PCDH15: variants seen among roughly 807,000 people sequenced by gnomAD.
PCDH15 encodes the protein protocadherin-15.
In PCDH15, 129 loss-of-function variants were observed where a neutral mutation model predicts 178.5. The ratio of observed to expected loss-of-function variants is 0.72; its 90% CI spans 0.63 to 0.84. The LOEUF (loss-of-function observed/expected upper bound fraction) is 0.84, where lower values mean the gene tolerates loss of function less well. PCDH15 is among the 40% of genes least tolerant of loss of function. The pLI, the probability that PCDH15 is intolerant of heterozygous loss-of-function variation, is 0.00. For synonymous variants in PCDH15, 800 were observed against 732.0 expected, an observed-to-expected ratio of 1.09 and a Z score of -1.50; for missense variants, 2,230 against 2,099.9, an observed-to-expected ratio of 1.06 and a Z score of -1.21.
chr10:53,881,395 A>G (rs1453653412), intron 26 of PCDH15, among the ~76,000 whole-genome samples: 1 of 152,172 alleles, frequency 6.6e-6, no homozygotes, highest in Non-Finnish European at 1.5e-5. Context: ...GGAATTTACC[A>G]CTACACAATA....
intron 28 of PCDH15, among the ~76,000 whole-genome samples, chr10:53,852,896 G>A (rs540919966): frequency 9.9e-5 from 15 of 152,054 alleles, no homozygotes; most frequent in South Asian, 6.2e-4. Context: ...TACTGGTCTC[G>A]TCACTAGAAC....
intron 1 of PCDH15, among the ~76,000 whole-genome samples, chr10:55,207,032 C>T (rs973989223): frequency 9.2e-5 from 14 of 151,938 alleles, no homozygotes; most frequent in Admixed American, 2.6e-4. Context: ...TATCAGAATA[C>T]GCATAATATT....
Position 53,822,600 on chromosome 10 carries a change from T to G in PCDH15, c.4368-2370A>C, listed in dbSNP as rs949431572. Reference sequence around the variant, plus strand: ...TGTCTCTCTCCTAGAGAGTGAAGAATGTAAAACACAAGGCCTTGAAGGAGA... The same window carrying G: ...TGTCTCTCTCCTAGAGAGTGAAGAAGGTAAAACACAAGGCCTTGAAGGAGA... On this transcript the variant is annotated intron_variant, in intron 32 of 37. Transcript: ENST00000644397. 5 of 1,613,966 alleles carry G rather than the reference T, an allele frequency of 3.1e-6. No homozygotes were observed.
At chr10:54,021,822 G>A (rs985874163) in intron 19 of PCDH15, among the ~76,000 whole-genome samples, 2 of 151,720 alleles carry the variant, frequency 1.3e-5, no homozygotes, top group African/African-American at 4.8e-5. Flanking sequence ...GTTCACCTTT[G>A]TATCCCCAAA....
At chr10:54,151,436 G>T (rs947847411) in intron 14 of PCDH15, among the ~76,000 whole-genome samples, 2 of 152,210 alleles carry the variant, frequency 1.3e-5, no homozygotes, top group African/African-American at 4.8e-5. Flanking sequence ...CACTACTAGT[G>T]AGGCTGAGGT....
At chr10:54,469,288 G>A (rs2077732445) in intron 3 of PCDH15, among the ~76,000 whole-genome samples, 1 of 152,172 alleles carries the variant, frequency 6.6e-6, no homozygotes, top group East Asian at 1.9e-4. Flanking sequence ...ATTGAGACCA[G>A]ATTTTACTAT....
chr10:54,571,276 T>C (rs187360010), intron 2 of PCDH15, among the ~76,000 whole-genome samples: 7 of 140,934 alleles, frequency 5.0e-5, no homozygotes, highest in South Asian at 4.4e-4. Flanking sequence ...AATGAGAAGA[T>C]ACCAGTCCCA....
At chr10:54,915,096 TATTATC>T (rs1954878436) in intron 2 of PCDH15, among the ~76,000 whole-genome samples, 1 of 152,216 alleles carries the variant, frequency 6.6e-6, no homozygotes, top group Non-Finnish European at 1.5e-5. Context: ...ATCAATTACT[TATTATC>T]ATTGTTATTG....
intron 2 of PCDH15, among the ~76,000 whole-genome samples, chr10:54,630,661 T>C (rs1467870745): frequency 2.6e-5 from 4 of 152,114 alleles, no homozygotes; most frequent in Non-Finnish European, 5.9e-5. Context: ...AAATTGACAG[T>C]TGGGACCCTA....
At chr10:54,171,350 C>T (rs954908762) in intron 13 of PCDH15, among the ~76,000 whole-genome samples, 1 of 152,178 alleles carries the variant, frequency 6.6e-6, no homozygotes, top group Non-Finnish European at 1.5e-5. Flanking sequence ...TACCACTTTC[C>T]CTTCTCAGAA....
chr10:54,397,499 G>A (rs190194590), intron 3 of PCDH15, among the ~76,000 whole-genome samples: 1 of 152,056 alleles, frequency 6.6e-6, no homozygotes, highest in East Asian at 1.9e-4. Flanking sequence ...ATAAAGTCTT[G>A]CCTGTTTAAC....
intron 25 of PCDH15, among the ~76,000 whole-genome samples, chr10:53,924,483 A>C (rs191950948): frequency 4.9e-4 from 75 of 152,152 alleles, no homozygotes; most frequent in South Asian, 4.4e-3. Context: ...GCTCCTGTGC[A>C]GCCTGAGCCT....
Position 54,383,147 on chromosome 10 carries a change from G to A in PCDH15, c.158-4205C>T, listed in dbSNP as rs187584831. Among the ~76,000 whole-genome samples the A allele has an allele frequency of 7.0e-3, 1,067 of 151,816 alleles. 9 individuals are homozygous for A. The highest frequency in any genetic ancestry group is 0.021 in the African/African-American group (878 of 41,382). On this transcript the variant is annotated intron_variant, in intron 3 of 37. Transcript: ENST00000644397. ...TTATATATTATTTTTCATTAAATTG[G>A]GAACATTATCAACAAAATGATTTTA...
rs199687662 is a variant in PCDH15, at chr10:53,823,632, G to GT, written c.4368-3403dup. ...TTGGAAGAGAGTATTTTTTGTTTTT[G>GT]TTTTTTTTCAGCTAGTGTGATACAG... On this transcript the variant is annotated intron_variant, in intron 32 of 37. Transcript: ENST00000644397. The GT allele has an allele frequency of 2.3e-3, 1,169 of 509,096 alleles. 7 individuals carry two copies. The highest frequency in any genetic ancestry group is 6.4e-3 in the South Asian group (363 of 56,448). 31.5% of individuals were successfully genotyped at this position (509,096 alleles called of 1,614,324 possible).
chr10:53,860,073 A>G (rs2079001994), intron 27 of PCDH15, among the ~76,000 whole-genome samples: 1 of 152,148 alleles, frequency 6.6e-6, no homozygotes, highest in African/African-American at 2.4e-5. Context: ...TCCATCATCT[A>G]TACTGGGTGA....
chr10:54,185,519 A>G (rs2048409301), intron 11 of PCDH15, among the ~76,000 whole-genome samples: 1 of 152,130 alleles, frequency 6.6e-6, no homozygotes, highest in Non-Finnish European at 1.5e-5. Flanking sequence ...AAAAGGAAAA[A>G]TAATAGAAAA....
intron 2 of PCDH15, among the ~76,000 whole-genome samples, chr10:55,023,130 A>G (rs1272703418): frequency 2.0e-5 from 3 of 151,844 alleles, no homozygotes; most frequent in African/African-American, 7.3e-5. Flanking sequence ...TTTACTGGAG[A>G]TGGGGTTTCA....
intron 2 of PCDH15, among the ~76,000 whole-genome samples, chr10:54,936,021 A>G (rs961297359): frequency 7.9e-5 from 12 of 152,042 alleles, no homozygotes; most frequent in African/African-American, 2.9e-4. Context: ...GAAATACCAT[A>G]CCCATCAATT....
At chr10:55,033,406 AGT>A (rs1478758695) in intron 2 of PCDH15, among the ~76,000 whole-genome samples, 2 of 152,020 alleles carry the variant, frequency 1.3e-5, no homozygotes, top group Non-Finnish European at 2.9e-5. Flanking sequence ...ACCTTACCCC[AGT>A]GTGTCCAGGA....
Sources: allele counts gnomAD v4.1 joint callset (sites outside exome capture counted in the v4.1 genomes callset), GRCh38; gene constraint gnomAD v4.1.1; transcripts MANE v1.5; gene names NCBI Gene and HGNC (gene_info 2026-07-23, HGNC 2026-07-21).